Variants in HIP1R observed in about 807,000 individuals in gnomAD.
HIP1R encodes huntingtin-interacting protein 1-related protein.
A neutral mutation model predicts 144.2 loss-of-function variants in HIP1R; 135 were observed. That is an observed-to-expected ratio of 0.94 (90% CI 0.81 to 1.08). The LOEUF (loss-of-function observed/expected upper bound fraction) is 1.08. HIP1R is among the 50% of genes least tolerant of loss of function. The pLI, the probability that HIP1R is intolerant of heterozygous loss-of-function variation, is 0.00. For synonymous variants in HIP1R, 698 were observed against 612.8 expected (o/e 1.14, Z -2.05); for missense variants, 1,462 against 1,432.8 (o/e 1.02, Z -0.33).
chr12:122,860,730 C>T lies in HIP1R; in HGVS notation c.2712C>T (p.Ile904=), dbSNP rs771109334. Residue 904 remains isoleucine (I), a synonymous_variant, in exon 28 of 32, where the codon ATC becomes ATT. Transcript: ENST00000253083. ...ACACGGGCAAGTATGAGGAGCTCAT[C>T]GTCTGCTCCCACGAGATCGCAGCCA... ...VLHTGKYEEL[I]VCSHEIAAST... is the part of the protein sequence containing the mutation. 1.4e-5 allele frequency: 22 copies of T among 1,613,134 alleles called. No homozygotes were observed. Among genetic ancestry groups the T allele is most frequent in the African/African-American group, 2.7e-5 (2 of 74,906 alleles).
chr12:122,849,429 T>G (rs1182694094), intron 4 of HIP1R, among the ~76,000 whole-genome samples: 1 of 152,226 alleles, frequency 6.6e-6, no homozygotes, highest in African/African-American at 2.4e-5. Flanking sequence ...GACCAGGGCG[T>G]TATCCAACCC....
rs1214397072 is a variant in HIP1R at position 122,855,966 on chromosome 12, A to G, written c.1129-14A>G. The stretch of plus-strand genomic sequence containing the variant: ...CGGCCCAGGCAGGGCCCCACGTCAC[A>G]CCTCCTCCCGCAGGCCCAGCGGTAC... On this transcript the variant is annotated splice_polypyrimidine_tract_variant and intron_variant, in intron 13 of 31. Coordinates refer to ENST00000253083, the MANE Select transcript of HIP1R (RefSeq NM_003959.3). 3.8e-6 allele frequency: 6 copies of G among 1,576,646 alleles called. No individual in the cohort carries two copies. Among genetic ancestry groups the G allele is most frequent in the East Asian group, 4.7e-5 (2 of 42,786 alleles).
At chr12:122,857,291 G>A in intron 18 of HIP1R, 76 bp downstream of exon 18, 2 of 1,302,376 alleles carry the variant, frequency 1.5e-6, no homozygotes, top group Non-Finnish European at 2.2e-6. Context: ...TCCGTGATCT[G>A]CCTGTTCTAG....
At position 122,860,421 on chromosome 12, in the gene HIP1R, A is replaced by G; in HGVS notation, c.2560-2A>G. On this transcript the variant is annotated splice_acceptor_variant, in intron 26 of 31. Transcript: ENST00000253083. LOFTEE classifies it high-confidence loss of function. ...CCTGCCCTGTTCTCCCGTCGCCACT[A>G]GGGGGCAGCCACGCAGCAGGAATTT... 2 of 1,613,104 alleles carry G rather than the reference A, an allele frequency of 1.2e-6. No homozygotes were observed. The highest frequency in any genetic ancestry group is 1.7e-6 in the Non-Finnish European group (2 of 1,179,888).
chr12:122,834,913 A>T (rs1293390440), upstream of HIP1R: 1 of 1,282,228 alleles, frequency 7.8e-7, no homozygotes, highest in African/African-American at 1.5e-5. Context: ...CCAAAAAGGA[A>T]AAAAAGCGTC....
intron 7 of HIP1R, chr12:122,853,743 C>T: frequency 6.2e-6 from 2 of 321,450 alleles, no homozygotes; most frequent in Non-Finnish European, 1.1e-5. Context: ...TGGAGCTATC[C>T]GTCACCCTTG....
At chr12:122,847,192 C>T (rs1396773309) in intron 1 of HIP1R, among the ~76,000 whole-genome samples, 2 of 152,110 alleles carry the variant, frequency 1.3e-5, no homozygotes, top group African/African-American at 4.8e-5. Context: ...AGAAATACCC[C>T]ATGCCCCACG....
chr12:122,844,508 G>A (rs2033154003), intron 1 of HIP1R, among the ~76,000 whole-genome samples: 1 of 152,208 alleles, frequency 6.6e-6, no homozygotes, highest in Non-Finnish European at 1.5e-5. Flanking sequence ...GTGCCCAGCA[G>A]TGGGAAGAAC....
intron 7 of HIP1R, chr12:122,853,744 GTCAC>G (rs1314378695): frequency 1.6e-5 from 5 of 319,546 alleles, no homozygotes; most frequent in African/African-American, 1.1e-4. Flanking sequence ...GGAGCTATCC[GTCAC>G]CCTTGTCAGT....
At chr12:122,848,714 G>A (rs533111320) in intron 3 of HIP1R, 82 bp from the exon 4 acceptor site, 33 of 1,598,468 alleles carry the variant, frequency 2.1e-5, no homozygotes, top group Admixed American at 1.2e-4. Flanking sequence ...TGTTCCTCCC[G>A]CCTCGGGTGG....
chr12:122,836,028 A>T lies in HIP1R; in HGVS notation c.93+385A>T, dbSNP rs1451688121. 6.7e-6 allele frequency among the ~76,000 whole-genome samples: 1 copy of T among 149,742 alleles called. No individual in the cohort carries two copies. The highest frequency in any genetic ancestry group is 1.5e-5 in the Non-Finnish European group (1 of 67,436). Reference sequence around the variant, plus strand: ...CGCGAGCCCAGCGCGCCGGGGGTCGAGGGGGCTGGGGATCCAGGTGCTCCC... The same window carrying T: ...CGCGAGCCCAGCGCGCCGGGGGTCGTGGGGGCTGGGGATCCAGGTGCTCCC... On this transcript the variant is annotated intron_variant, in intron 1 of 31. Transcript: ENST00000253083. The surrounding 1 kb of genome is among the most constrained non-coding windows in gnomAD (Gnocchi z 4.1).
rs2033284995 is a variant in HIP1R, at chr12:122,848,679, T to C, written c.300+71T>C. ...CCCGCGGACATGCGGGCTCTGGCCC[T>C]GTTCCTGTCCCCGTAGCTCCGGGCT... On this transcript the variant is annotated intron_variant, in intron 3 of 31. Transcript: ENST00000253083. The C allele has an allele frequency of 5.6e-6, 9 of 1,594,162 alleles. No individual in the cohort carries two copies. In the East Asian group the frequency reaches 1.3e-4, roughly 24 times the overall value.
intron 1 of HIP1R, among the ~76,000 whole-genome samples, chr12:122,843,176 C>T (rs1452647932): frequency 1.3e-5 from 2 of 152,230 alleles, no homozygotes; most frequent in African/African-American, 4.8e-5. Context: ...TGACACACTT[C>T]TCCCACACCC....
In HIP1R at chr12:122,856,007, A is replaced by G. The variant is rs563208897; in HGVS notation, c.1156A>G (p.Ser386Gly). The G allele has an allele frequency of 4.4e-6, 7 of 1,594,560 alleles. No homozygotes were observed. In the East Asian group the frequency reaches 1.4e-4, roughly 31 times the overall value. Residue 386 changes from serine to glycine, a missense_variant, in exon 14 of 32, where the codon AGC (serine) becomes GGC (glycine). This residue lies in a region of HIP1R where 1,112 missense variants were observed against 1,011.7 expected (regional missense o/e 1.10). Coordinates refer to ENST00000253083, the MANE Select transcript of HIP1R (RefSeq NM_003959.3). ...CCAGCGGTACATCGCGCAGCTGAAG[A>G]GCCAGGTGAATGCACTGGAGGGTGA... ...EAQRYIAQLKSQVNALEGELE... is the reference protein window; with the variant it reads ...EAQRYIAQLKGQVNALEGELE...
chr12:122,860,383 T>C (rs1369446195), intron 26 of HIP1R, 40 bp from the exon 27 acceptor site: 9 of 1,606,670 alleles, frequency 5.6e-6, no homozygotes, highest in Non-Finnish European at 7.7e-6. Flanking sequence ...TTTGGTGTCC[T>C]TGACTGGCAT....
In HIP1R at chr12:122,858,347, A is replaced by G. The variant is rs1332047520; in HGVS notation, c.1964-2A>G. On this transcript the variant is annotated splice_acceptor_variant, in intron 19 of 31. Transcript: ENST00000253083. LOFTEE classifies it high-confidence loss of function. ...GGGCCTCAGTTCTCCTCGTGCTTGC[A>G]GACTACCTGGTGAGCAGGGCCCAGG... 6.2e-7 allele frequency: 1 copy of G among 1,607,198 alleles called. No homozygotes were observed. The highest frequency in any genetic ancestry group is 1.7e-5 in the Admixed American group (1 of 59,546).
chr12:122,855,551 G>C lies in HIP1R; in HGVS notation c.994G>C (p.Val332Leu). The change falls in exon 12 of 32, where the codon GTG (valine) becomes CTG (leucine). Residue 332 changes from valine (V) to leucine (L), a missense_variant and splice_region_variant. By Grantham distance (32) the Val-to-Leu change is conservative. Coordinates refer to ENST00000253083, the MANE Select transcript of HIP1R (RefSeq NM_003959.3). ...STGPPAGEPV[V>L]VADLFDQTFG... is the part of the protein sequence containing the mutation. ...GGGTCACCATGCTTTGCTGTGGCAG[G>C]TGGTGGCTGACCTCTTCGATCAGAC... 6.5e-7 allele frequency: 1 copy of C among 1,549,594 alleles called. No homozygotes were observed.
chr12:122,835,392 G>A (rs1593853377), upstream of HIP1R: 5 of 1,103,852 alleles, frequency 4.5e-6, no homozygotes, highest in East Asian at 2.3e-4. Flanking sequence ...CGGGGGAGGG[G>A]CGTGCCCTGG....
At chr12:122,851,693 A>AG (rs2033401032) in intron 7 of HIP1R, among the ~76,000 whole-genome samples, 2 of 45,186 alleles carry the variant, frequency 4.4e-5, no homozygotes, top group African/African-American at 1.8e-4. Context: ...TAAAAAAAAA[A>AG]AAAAGAAAAA....
Sources: gnomAD v4.1 joint callset for allele counts (sites outside exome capture counted in the v4.1 genomes callset) on GRCh38, gnomAD v4.1.1 for gene constraint, gnomAD v4.1.1 regional missense constraint, Gnocchi (gnomAD v3.1) non-coding constraint, MANE v1.5 for transcripts, NCBI Gene and HGNC (gene_info 2026-07-23, HGNC 2026-07-21) for gene names.